ARID5B: variants seen among roughly 807,000 people sequenced by gnomAD.
ARID5B encodes AT-rich interaction domain 5B, also known as AT-rich interactive domain-containing protein 5B.
ARID5B carries 13 observed loss-of-function variants against 97.2 expected under a neutral mutation model. The ratio of observed to expected loss-of-function variants is 0.13; its 90% confidence interval spans 0.09 to 0.21. ARID5B has a LOEUF of 0.21. Ranked by LOEUF, ARID5B falls within the 10% of genes least tolerant of loss-of-function variation. The pLI, the probability that ARID5B is intolerant of heterozygous loss-of-function variation, is 1.00. For synonymous variants in ARID5B, 556 were observed against 570.3 expected (o/e 0.97, Z 0.36); for missense variants, 1,210 against 1,465.3 (o/e 0.83, Z 2.84).
At chr10:62,050,028 C>T (rs1394307018) in intron 4 of ARID5B, among the ~76,000 whole-genome samples, 2 of 152,108 alleles carry the variant, frequency 1.3e-5, no homozygotes, top group African/African-American at 4.8e-5. Context: ...AAGCTGATGC[C>T]GGATAGTCAT....
chr10:61,914,606 A>G (rs1277608096), intron 2 of ARID5B, among the ~76,000 whole-genome samples: 1 of 152,210 alleles, frequency 6.6e-6, no homozygotes, highest in South Asian at 2.1e-4. Flanking sequence ...AAAATGCCCC[A>G]TATTTCTCTT....
chr10:61,901,831 C>G (rs1843620135), intron 1 of ARID5B, 101 bp downstream of exon 1: 1 of 942,784 alleles, frequency 1.1e-6, no homozygotes, highest in Non-Finnish European at 1.7e-6. Context: ...CCCCCACAAA[C>G]TTTTCACCAA....
At chr10:61,973,967 G>A (rs776602213) in intron 3 of ARID5B, among the ~76,000 whole-genome samples, 6 of 152,294 alleles carry the variant, frequency 3.9e-5, no homozygotes, top group Non-Finnish European at 5.9e-5. Flanking sequence ...CAATCACAGT[G>A]AATGGACTTT....
At chr10:62,086,760 T>C (rs1437496875) in intron 9 of ARID5B, among the ~76,000 whole-genome samples, 1 of 148,024 alleles carries the variant, frequency 6.8e-6, no homozygotes, top group Non-Finnish European at 1.5e-5. Context: ...CTCAAGAGGC[T>C]GAGGTGGGAG....
intron 4 of ARID5B, among the ~76,000 whole-genome samples, chr10:62,016,144 A>G (rs1404749063): frequency 2.6e-5 from 4 of 152,070 alleles, no homozygotes; most frequent in Admixed American, 6.6e-5. Context: ...GCAAACTACA[A>G]CCCACGGGCC....
At chr10:62,045,234 C>G (rs1030613769) in intron 4 of ARID5B, among the ~76,000 whole-genome samples, 4 of 152,134 alleles carry the variant, frequency 2.6e-5, no homozygotes, top group African/African-American at 9.7e-5. Flanking sequence ...TGGCTTTGAT[C>G]AAGCCTTCTG....
At chr10:61,966,103 G>A (rs4245596) in intron 3 of ARID5B, among the ~76,000 whole-genome samples, 78,172 of 152,032 alleles carry the variant, frequency 0.51, 20,719 homozygotes, top group Non-Finnish European at 0.59. Context: ...CCACTATGCA[G>A]AGGCTTACCA....
At chr10:62,026,659 C>T (rs1839424528) in intron 4 of ARID5B, among the ~76,000 whole-genome samples, 1 of 152,048 alleles carries the variant, frequency 6.6e-6, no homozygotes, top group African/African-American at 2.4e-5. Flanking sequence ...TATATTAATC[C>T]CACTCTTCCC....
At chr10:62,090,516 T>C (rs902243461) in intron 9 of ARID5B, among the ~76,000 whole-genome samples, 2 of 152,202 alleles carry the variant, frequency 1.3e-5, no homozygotes, top group African/African-American at 4.8e-5. Context: ...TTAAAACCCA[T>C]TTGGATAATT....
intron 4 of ARID5B, chr10:62,049,124 C>A: frequency 8.7e-7 from 1 of 1,145,072 alleles, no homozygotes; most frequent in East Asian, 4.3e-5. Context: ...AACGTGGCAT[C>A]GTGCTCTGAC....
chr10:62,053,513 C>A (rs1286382605), intron 5 of ARID5B, among the ~76,000 whole-genome samples: 2 of 152,212 alleles, frequency 1.3e-5, no homozygotes, highest in Non-Finnish European at 2.9e-5. Flanking sequence ...ACTACCAGTT[C>A]TTTGAAGATC....
chr10:61,960,223 C>G (rs1838451783), intron 3 of ARID5B, among the ~76,000 whole-genome samples: 1 of 152,068 alleles, frequency 6.6e-6, no homozygotes, highest in East Asian at 1.9e-4. Context: ...TATTCATTCT[C>G]TACTGTCTGG....
At chr10:61,977,927 C>T (rs1838723371) in intron 3 of ARID5B, among the ~76,000 whole-genome samples, 1 of 152,184 alleles carries the variant, frequency 6.6e-6, no homozygotes, top group African/African-American at 2.4e-5. Context: ...GACATGAAGT[C>T]CTTGCCCATG....
chr10:61,958,280 T>C (rs4131566), intron 3 of ARID5B, among the ~76,000 whole-genome samples: 87,545 of 151,964 alleles, frequency 0.58, 25,507 homozygotes, highest in African/African-American at 0.63. Flanking sequence ...GACGGATTCT[T>C]GTGGATTGGT....
intron 2 of ARID5B, among the ~76,000 whole-genome samples, chr10:61,920,433 G>A (rs1041033695): frequency 2.0e-5 from 3 of 151,342 alleles, no homozygotes; most frequent in Admixed American, 1.3e-4. Flanking sequence ...GGGTTCAAGC[G>A]ATGCTCCTCA....
rs183133061 is a variant in ARID5B at position 61,914,228 on chromosome 10, G to A, written c.276+11815G>A. Among the ~76,000 whole-genome samples the A allele has an allele frequency of 9.5e-4, 144 of 152,372 alleles. 1 individual carries two copies. Among genetic ancestry groups the A allele is most frequent in the Non-Finnish European group, 5.0e-4 (34 of 68,042 alleles). On this transcript the variant is annotated intron_variant, in intron 2 of 9. Transcript: ENST00000279873. ...AAAAGCTTCGCCAAAAGTTGGCAAT[G>A]TTGGTAATAAATGGAATTGGTACTT...
chr10:62,086,648 C>T lies in ARID5B; in HGVS notation c.1398+748C>T, dbSNP rs534080606. ...CCTGGGAGGCAGAGCTTGCAGTGAG[C>T]TGAGATCACGACAGCCTGGGTGACA... On this transcript the variant is annotated intron_variant, in intron 9 of 9. Transcript: ENST00000279873. Among the ~76,000 whole-genome samples, 262 of 137,454 alleles carry T rather than the reference C, an allele frequency of 1.9e-3. 1 individual carries two copies. Among genetic ancestry groups the T allele is most frequent in the Non-Finnish European group, 3.1e-3 (202 of 65,914 alleles). The allele number at this position is 137,454 out of a possible 152,430, so 90.2% of individuals were successfully genotyped here.
At chr10:62,013,578 C>G (rs1839245000) in intron 4 of ARID5B, among the ~76,000 whole-genome samples, 1 of 151,894 alleles carries the variant, frequency 6.6e-6, no homozygotes, top group Admixed American at 6.6e-5. Context: ...AACATCTCCC[C>G]AACTCCCCCA....
intron 7 of ARID5B, among the ~76,000 whole-genome samples, chr10:62,065,800 C>T (rs368844652): frequency 1.4e-5 from 2 of 142,546 alleles, no homozygotes; most frequent in Middle Eastern, 3.5e-3. Context: ...GAGCCGAGAT[C>T]GCGCCACTGC....
Sources: gnomAD v4.1 joint callset for allele counts (sites outside exome capture counted in the v4.1 genomes callset) on GRCh38, gnomAD v4.1.1 for gene constraint, MANE v1.5 for transcripts, NCBI Gene and HGNC (gene_info 2026-07-23, HGNC 2026-07-21) for gene names.